TBC1D31: variants seen among roughly 807,000 people sequenced by gnomAD.
TBC1D31 encodes TBC1 domain family member 31.
Under a neutral mutation model 132.9 loss-of-function variants are expected in TBC1D31, and 99 were observed. That is an observed-to-expected ratio of 0.74 (90% confidence interval 0.63 to 0.88). The LOEUF (loss-of-function observed/expected upper bound fraction) is 0.88. TBC1D31 is among the 40% of genes least tolerant of loss of function. The pLI is 0.00. For missense variants in TBC1D31, 1,134 were observed against 1,256.6 expected, an observed-to-expected ratio of 0.90 and a Z score of 1.48; for synonymous variants, 385 against 419.4, an observed-to-expected ratio of 0.92 and a Z score of 1.00.
Position 123,093,512 on chromosome 8 carries a change from T to C in TBC1D31, c.520-79T>C, listed in dbSNP as rs562922094. 321 of 953,982 alleles carry C rather than the reference T, an allele frequency of 3.4e-4. 1 individual carries two copies. In the African/African-American group the frequency reaches 4.7e-3, roughly 14 times the overall value. The allele number at this position is 953,982 out of a possible 1,614,324, so 59.1% of individuals were successfully genotyped here. A position where few individuals can be genotyped will look rare whatever the true frequency, so the allele number is the denominator to read the frequency against. On this transcript the variant is annotated intron_variant, in intron 4 of 21. Transcript: ENST00000287380. The stretch of plus-strand genomic sequence containing the variant: ...AAAATAATATTTTAATAAAGAAAAA[T>C]AGACTACTTGTATAATTTTAAATTT...
intron 20 of TBC1D31, among the ~76,000 whole-genome samples, chr8:123,146,019 C>T (rs1476176838): frequency 1.3e-5 from 2 of 151,892 alleles, no homozygotes; most frequent in Non-Finnish European, 2.9e-5. Context: ...TACAGGCCTA[C>T]ACCACCATGC....
At chr8:123,105,537 C>A in intron 8 of TBC1D31, 73 bp downstream of exon 8, 1 of 1,221,440 alleles carries the variant, frequency 8.2e-7, no homozygotes, top group South Asian at 1.6e-5. Context: ...AAGCCATCAC[C>A]ACTCTTCTCT....
rs111639292 is a variant in TBC1D31, at chr8:123,072,743, C to A, written c.-27C>A. The A allele has an allele frequency of 2.6e-6, 4 of 1,550,944 alleles. No homozygotes were observed. Among genetic ancestry groups the A allele is most frequent in the Non-Finnish European group, 3.5e-6 (4 of 1,147,086 alleles). On this transcript the variant is annotated 5_prime_UTR_variant, in exon 1 of 22. Coordinates refer to ENST00000287380, the MANE Select transcript of TBC1D31 (RefSeq NM_145647.4). ...GCGCTGGGACGGTTACCCAGCGGGCCGCCGGCGGTCGTGGGCAAGCTTCGC... is the reference window on the plus strand; with the variant it reads ...GCGCTGGGACGGTTACCCAGCGGGCAGCCGGCGGTCGTGGGCAAGCTTCGC...
chr8:123,137,077 T>C (rs1335831234), intron 17 of TBC1D31, among the ~76,000 whole-genome samples: 4 of 152,178 alleles, frequency 2.6e-5, no homozygotes, highest in Non-Finnish European at 5.9e-5. Flanking sequence ...CCACATGAGC[T>C]CAACATTCCA....
chr8:123,126,610 C>A lies in TBC1D31; in HGVS notation c.1807C>A (p.Leu603Ile), dbSNP rs1047683456. The A allele has an allele frequency of 3.1e-6, 5 of 1,613,870 alleles. No individual in the cohort carries two copies. In the African/African-American group the frequency reaches 6.7e-5, roughly 22 times the overall value. Residue 603 changes from leucine (L) to isoleucine (I), a missense_variant, in exon 13 of 22, where the codon CTT becomes ATT. Physicochemically the swap from Leu to Ile is conservative, Grantham distance 5 (BLOSUM62 2). Coordinates refer to ENST00000287380, the MANE Select transcript of TBC1D31 (RefSeq NM_145647.4). The stretch of plus-strand genomic sequence containing the variant: ...TATCTTTTCCAACCATCCTTCCTTC[C>A]TTCTGATGACTGTTGTAGCCTACAA... Reference protein sequence around the residue: ...DNIFSNHPSFLLMTVVAYNIC... With the variant: ...DNIFSNHPSFILMTVVAYNIC...
chr8:123,106,078 C>T (rs1817892036), intron 8 of TBC1D31, among the ~76,000 whole-genome samples: 1 of 152,204 alleles, frequency 6.6e-6, no homozygotes, highest in Non-Finnish European at 1.5e-5. Context: ...TCCATATTCT[C>T]ACTAATAATA....
the TBC1D31 span, among the ~76,000 whole-genome samples, chr8:123,164,105 CT>C: frequency 6.6e-6 from 1 of 152,204 alleles, no homozygotes; most frequent in Admixed American, 6.5e-5. Flanking sequence ...GTAAGCACGT[CT>C]TTTTCTTGCT....
intron 10 of TBC1D31, among the ~76,000 whole-genome samples, chr8:123,109,991 G>A (rs747378237): frequency 6.6e-6 from 1 of 152,158 alleles, no homozygotes; most frequent in Non-Finnish European, 1.5e-5. Flanking sequence ...TACTCAGGAG[G>A]CTGAGGCAGG....
chr8:123,155,888 AT>A (rs1190872340), downstream of TBC1D31, among the ~76,000 whole-genome samples: 34 of 152,326 alleles, frequency 2.2e-4, no homozygotes, highest in African/African-American at 8.2e-4. The surrounding 1 kb of genome is among the most constrained non-coding windows in gnomAD (Gnocchi z 4.1). Context: ...GTCACAGCTA[AT>A]GGTGGTCAGT....
At chr8:123,075,268 AT>A (rs1347872535) in intron 1 of TBC1D31, among the ~76,000 whole-genome samples, 1 of 152,230 alleles carries the variant, frequency 6.6e-6, no homozygotes, top group Non-Finnish European at 1.5e-5. Context: ...AAAAATAAGC[AT>A]TGTTAAGAAT....
intron 1 of TBC1D31, among the ~76,000 whole-genome samples, chr8:123,074,236 G>T (rs1814243564): frequency 6.6e-6 from 1 of 150,878 alleles, no homozygotes; most frequent in East Asian, 2.0e-4. Flanking sequence ...TAGCCAGGAT[G>T]GTCTTGATCT....
chr8:123,105,166 C>A, intron 7 of TBC1D31, 122 bp from the exon 8 acceptor site: 1 of 654,930 alleles, frequency 1.5e-6, no homozygotes, highest in Non-Finnish European at 2.2e-6. Flanking sequence ...AAGTTTTTTG[C>A]CTGAAGAATA....
Position 123,084,351 on chromosome 8 carries a change from G to T in TBC1D31, c.519+11G>T. ...GTGGGTATACAGAAGGTCAGTGAGG[G>T]GGTACATCTTGGTCTGTTGTGCTTC... On this transcript the variant is annotated intron_variant, in intron 4 of 21. Coordinates refer to ENST00000287380, the MANE Select transcript of TBC1D31 (RefSeq NM_145647.4). The T allele has an allele frequency of 3.7e-6, 6 of 1,613,102 alleles. No individual in the cohort carries two copies. The highest frequency in any genetic ancestry group is 5.1e-6 in the Non-Finnish European group (6 of 1,179,374).
chr8:123,077,719 A>G (rs984019532), intron 2 of TBC1D31, among the ~76,000 whole-genome samples: 2 of 152,036 alleles, frequency 1.3e-5, no homozygotes, highest in Admixed American at 1.3e-4. Context: ...TTCTTTGCAC[A>G]TTGTTGTTGT....
chr8:123,092,772 C>T (rs1357048072), intron 4 of TBC1D31, among the ~76,000 whole-genome samples: 1 of 149,346 alleles, frequency 6.7e-6, no homozygotes, highest in Non-Finnish European at 1.5e-5. Context: ...GCCTCAGCCT[C>T]CTGAGTAGCT....
At chr8:123,114,372 G>A (rs1818728959) in intron 10 of TBC1D31, among the ~76,000 whole-genome samples, 1 of 152,162 alleles carries the variant, frequency 6.6e-6, no homozygotes, top group South Asian at 2.1e-4. Flanking sequence ...CCAGGCTGAA[G>A]TGCAGTGGTG....
chr8:123,086,742 C>T (rs959025423), intron 4 of TBC1D31, among the ~76,000 whole-genome samples: 31 of 149,456 alleles, frequency 2.1e-4, no homozygotes, highest in African/African-American at 6.9e-4. Context: ...TCCTTTGCAA[C>T]GGAATCTGGC....
In TBC1D31 at chr8:123,150,127, G is replaced by A; in HGVS notation, c.3066G>A (p.Gln1022=). The change falls in exon 21 of 22, where the codon CAG becomes CAA. Residue 1022 remains glutamine (Q), a splice_region_variant and synonymous_variant. Transcript: ENST00000287380. ...CTTCTGAAATGGATCCCTCAACACA[G>A]AGTAAGTTGATAAGCAAGAAAATGT... The part of the protein sequence containing the change: ...NDSSEMDPST[Q]ISLNRRAVEW... 6.2e-7 allele frequency: 1 copy of A among 1,606,248 alleles called. No individual in the cohort carries two copies. Among genetic ancestry groups the A allele is most frequent in the Non-Finnish European group, 8.5e-7 (1 of 1,173,696 alleles).
chr8:123,108,253 G>A (rs1330549560), intron 8 of TBC1D31, among the ~76,000 whole-genome samples: 1 of 152,084 alleles, frequency 6.6e-6, no homozygotes, highest in Non-Finnish European at 1.5e-5. Flanking sequence ...TTCAAATAAA[G>A]GAAGACATTT....
Sources: allele counts gnomAD v4.1 joint callset (sites outside exome capture counted in the v4.1 genomes callset), GRCh38; gene constraint gnomAD v4.1.1; non-coding constraint Gnocchi (gnomAD v3.1); transcripts MANE v1.5; gene names NCBI Gene and HGNC (gene_info 2026-07-23, HGNC 2026-07-21).